RWDD1: variants seen among roughly 807,000 people sequenced by gnomAD.
RWDD1 encodes the protein RWD domain containing 1.
A neutral mutation model predicts 31.6 loss-of-function variants in RWDD1; 17 were observed. That is an observed-to-expected ratio of 0.54 (90% CI 0.37 to 0.81). The LOEUF is 0.81. RWDD1 is among the 30% of genes least tolerant of loss of function. The pLI is 0.00. For synonymous variants in RWDD1, 78 were observed against 94.2 expected, an observed-to-expected ratio of 0.83 and a Z score of 0.99; for missense variants, 204 against 274.5, an observed-to-expected ratio of 0.74 and a Z score of 1.82.
Position 116,571,562 on chromosome 6 carries a change from T to C in RWDD1, c.-21T>C. 9 of 1,611,170 alleles carry C rather than the reference T, an allele frequency of 5.6e-6. No homozygotes were observed. The highest frequency in any genetic ancestry group is 6.8e-6 in the Non-Finnish European group (8 of 1,178,948). On this transcript the variant is annotated 5_prime_UTR_variant, in exon 1 of 7. An upstream start codon of the reference 5' UTR is lost. Coordinates refer to ENST00000466444, the MANE Select transcript of RWDD1 (RefSeq NM_015952.4). ...GCCGCCTAGGTGTCTGGGCGATCTA[T>C]GGGCAAGAGCAAGGGCCACGATGAC...
chr6:116,584,942 A>G lies in RWDD1; in HGVS notation c.270+85A>G, dbSNP rs1775013173. The stretch of plus-strand genomic sequence containing the variant: ...TTAATTTCAAGAGTTAGAAAATGCT[A>G]TTGTGTAAACAGAACATTGACCAAG... On this transcript the variant is annotated intron_variant, in intron 3 of 6. Coordinates refer to ENST00000466444, the MANE Select transcript of RWDD1 (RefSeq NM_015952.4). 9.9e-6 allele frequency: 11 copies of G among 1,113,814 alleles called. No homozygotes were observed. In the South Asian group the frequency reaches 1.4e-4, roughly 14 times the overall value. 69.0% of individuals were successfully genotyped at this position (1,113,814 alleles called of 1,614,324 possible).
chr6:116,573,716 G>T (rs763279203), intron 1 of RWDD1, among the ~76,000 whole-genome samples: 1 of 151,872 alleles, frequency 6.6e-6, no homozygotes, highest in Non-Finnish European at 1.5e-5. Flanking sequence ...TGCTTGTGTC[G>T]GTTGGCCAAG....
intron 5 of RWDD1, 151 bp from the exon 6 acceptor site, chr6:116,590,737 C>T (rs1265753159): frequency 9.4e-6 from 12 of 1,277,104 alleles, no homozygotes; most frequent in African/African-American, 3.1e-5. Flanking sequence ...AATGCAGATA[C>T]ATTTCATATG....
At chr6:116,581,098 A>G (rs1369642590) in intron 2 of RWDD1, among the ~76,000 whole-genome samples, 1 of 152,104 alleles carries the variant, frequency 6.6e-6, no homozygotes, top group African/African-American at 2.4e-5. Context: ...ATACTTGAAA[A>G]TGAGGTTTGC....
At chr6:116,588,626 A>G (rs1340665843) in intron 3 of RWDD1, among the ~76,000 whole-genome samples, 1 of 152,052 alleles carries the variant, frequency 6.6e-6, no homozygotes, top group East Asian at 1.9e-4. Flanking sequence ...TGATTATTAA[A>G]CAGAATTTGC....
At chr6:116,586,762 T>C (rs1439193075) in intron 3 of RWDD1, among the ~76,000 whole-genome samples, 1 of 152,174 alleles carries the variant, frequency 6.6e-6, no homozygotes, top group African/African-American at 2.4e-5. Flanking sequence ...TAGTTCAGTG[T>C]TTCCTGGAAG....
intron 1 of RWDD1, among the ~76,000 whole-genome samples, chr6:116,579,155 C>T (rs928830117): frequency 6.6e-6 from 1 of 152,232 alleles, no homozygotes; most frequent in Non-Finnish European, 1.5e-5. Flanking sequence ...GGACTACAGG[C>T]ATGAGCCACT....
chr6:116,581,681 C>T (rs1774949381), intron 2 of RWDD1, among the ~76,000 whole-genome samples: 1 of 151,862 alleles, frequency 6.6e-6, no homozygotes, highest in East Asian at 1.9e-4. Flanking sequence ...AAAATGCAAG[C>T]TAAAATAATA....
intron 2 of RWDD1, among the ~76,000 whole-genome samples, chr6:116,582,489 A>G (rs948020037): frequency 1.3e-5 from 2 of 152,024 alleles, no homozygotes; most frequent in African/African-American, 4.8e-5. Context: ...TGGTAAGAAC[A>G]TTTAATATCT....
rs1239577319 is a variant in RWDD1 at position 116,596,192 on chromosome 6, T to C, written c.*3091T>C. ...GTCAGGCAGCAAAAGTTGGAGCCAT[T>C]GTATGATTGTGTGTCAAAATGAGAG... On this transcript the variant is annotated 3_prime_UTR_variant, in exon 7 of 7. Transcript: ENST00000466444. 1.3e-5 allele frequency: 2 copies of C among 152,234 alleles called. No homozygotes were observed. The highest frequency in any genetic ancestry group is 1.9e-4 in the East Asian group (1 of 5,200). The allele number at this position is 152,234 out of a possible 1,614,324, so 9.4% of individuals were successfully genotyped here.
chr6:116,587,146 A>G lies in RWDD1; in HGVS notation c.271-1696A>G, dbSNP rs74872252. 2.2e-3 allele frequency among the ~76,000 whole-genome samples: 334 copies of G among 152,324 alleles called. 8 individuals carry two copies. The East Asian group carries it at 0.039, about 18-fold the overall frequency. ...ATGTGTCAAGCATTAGGTTGAGTGA[A>G]CAAGAAAGACACCATCCCTGGTCTC... On this transcript the variant is annotated intron_variant, in intron 3 of 6. Coordinates refer to ENST00000466444, the MANE Select transcript of RWDD1 (RefSeq NM_015952.4).
In RWDD1 at chr6:116,595,922, A is replaced by G. The variant is rs1017452140; in HGVS notation, c.*2821A>G. On this transcript the variant is annotated 3_prime_UTR_variant, in exon 7 of 7. Coordinates refer to ENST00000466444, the MANE Select transcript of RWDD1 (RefSeq NM_015952.4). The stretch of plus-strand genomic sequence containing the variant: ...TATGTGAACATTTCCCAGTTGGGGT[A>G]AAACTAAGAGGAGTGATAATAACAT... The G allele has an allele frequency of 2.0e-5, 3 of 152,228 alleles. No homozygotes were observed. Among genetic ancestry groups the G allele is most frequent in the Non-Finnish European group, 4.4e-5 (3 of 68,024 alleles). The allele number at this position is 152,228 out of a possible 1,614,324, so 9.4% of individuals were successfully genotyped here.
chr6:116,584,499 A>C (rs571658652), intron 2 of RWDD1, among the ~76,000 whole-genome samples: 1 of 152,298 alleles, frequency 6.6e-6, no homozygotes, highest in Non-Finnish European at 1.5e-5. Flanking sequence ...AAATACCAAT[A>C]AGTGGTAAAT....
chr6:116,584,679 C>T, intron 2 of RWDD1, 48 bp from the exon 3 acceptor site: 1 of 1,540,976 alleles, frequency 6.5e-7, no homozygotes, highest in Non-Finnish European at 8.9e-7. Flanking sequence ...AGATATCTAC[C>T]TCTTTACTTT....
At chr6:116,590,232 GT>G (rs758670526) in intron 4 of RWDD1, 39 bp from the exon 5 acceptor site, 6 of 1,181,872 alleles carry the variant, frequency 5.1e-6, no homozygotes, top group Non-Finnish European at 7.2e-6. Context: ...TTAAACTGCT[GT>G]TTCATTAATC....
chr6:116,589,167 GAGTAATGAATGATAATC>G (rs1775095150), intron 4 of RWDD1, among the ~76,000 whole-genome samples, 182 bp downstream of exon 4: 1 of 152,026 alleles, frequency 6.6e-6, no homozygotes, highest in South Asian at 2.1e-4. Flanking sequence ...GGCATAGCAT[GAGTAATGAATGATAATC>G]AGTAAAAAGT....
Position 116,596,639 on chromosome 6 carries a change from T to C in RWDD1, c.*3538T>C, listed in dbSNP as rs545940728. On this transcript the variant is annotated 3_prime_UTR_variant, in exon 7 of 7. Coordinates refer to ENST00000466444, the MANE Select transcript of RWDD1 (RefSeq NM_015952.4). ...TTTAGTTCAACTTTTGACAACCTTATATTCATTGACACCATGGACAGCACA... is the reference window on the plus strand; with the variant it reads ...TTTAGTTCAACTTTTGACAACCTTACATTCATTGACACCATGGACAGCACA... The C allele has an allele frequency of 6.6e-6, 1 of 152,338 alleles. No homozygotes were observed. The highest frequency in any genetic ancestry group is 1.9e-4 in the East Asian group (1 of 5,184). 9.4% of individuals were successfully genotyped at this position (152,338 alleles called of 1,614,324 possible).
At chr6:116,581,701 A>G (rs1170075843) in intron 2 of RWDD1, among the ~76,000 whole-genome samples, 1 of 152,082 alleles carries the variant, frequency 6.6e-6, no homozygotes, top group Non-Finnish European at 1.5e-5. Flanking sequence ...ATATCCAGCA[A>G]ATTATTAGTA....
At chr6:116,573,330 T>C (rs1486387158) in intron 1 of RWDD1, among the ~76,000 whole-genome samples, 4 of 152,232 alleles carry the variant, frequency 2.6e-5, no homozygotes, top group Non-Finnish European at 5.9e-5. Context: ...GAAATTCTTA[T>C]CAGATGCCCA....
Sources: allele counts gnomAD v4.1 joint callset (sites outside exome capture counted in the v4.1 genomes callset), GRCh38; gene constraint gnomAD v4.1.1; transcripts MANE v1.5; gene names NCBI Gene and HGNC (gene_info 2026-07-23, HGNC 2026-07-21).